PRKCH: variants seen among roughly 807,000 people sequenced by gnomAD.
PRKCH encodes the protein protein kinase C eta type.
A neutral mutation model predicts 82.5 loss-of-function variants in PRKCH; 28 were observed. That is an observed-to-expected ratio of 0.34 (90% CI 0.25 to 0.47). The LOEUF (loss-of-function observed/expected upper bound fraction) is 0.47, where lower values mean the gene tolerates loss of function less well. Ranked by LOEUF, PRKCH falls within the 20% of genes least tolerant of loss-of-function variation. The pLI is 1.00. For synonymous variants in PRKCH, 322 were observed against 327.4 expected (o/e 0.98, Z 0.18); for missense variants, 705 against 881.8 (o/e 0.80, Z 2.54).
intron 9 of PRKCH, among the ~76,000 whole-genome samples, chr14:61,484,946 A>G (rs1198026296): frequency 2.0e-5 from 3 of 149,242 alleles, no homozygotes; most frequent in Non-Finnish European, 1.5e-5. Context: ...CTGGTCTTGA[A>G]CCCCTGGGCT....
intron 1 of PRKCH, among the ~76,000 whole-genome samples, chr14:61,194,259 A>G (rs1257115708): frequency 1.3e-5 from 2 of 152,250 alleles, no homozygotes; most frequent in Non-Finnish European, 2.9e-5. Flanking sequence ...AGAAACTTCC[A>G]GCATTTAAGC....
At chr14:61,387,762 A>C (rs996406613) in intron 1 of PRKCH, among the ~76,000 whole-genome samples, 4 of 152,266 alleles carry the variant, frequency 2.6e-5, no homozygotes, top group African/African-American at 9.6e-5. Flanking sequence ...ATATGTATAC[A>C]AAACTACACA....
intron 9 of PRKCH, among the ~76,000 whole-genome samples, chr14:61,460,342 C>T (rs1884973413): frequency 6.6e-6 from 1 of 152,092 alleles, no homozygotes; most frequent in Admixed American, 6.6e-5. Flanking sequence ...TGCAGTGAGT[C>T]CCCTTGTACT....
At chr14:61,320,878 G>T (rs908425610), upstream of PRKCH, among the ~76,000 whole-genome samples, 5 of 152,186 alleles carry the variant, frequency 3.3e-5, no homozygotes, top group African/African-American at 1.2e-4. Flanking sequence ...TGCCCTTGCC[G>T]CGCAGAGCTG....
At chr14:61,339,622 CTTTTTTTTTTTTT>C (rs757220300) in intron 1 of PRKCH, among the ~76,000 whole-genome samples, 1 of 60,000 alleles carries the variant, frequency 1.7e-5, no homozygotes, top group Non-Finnish European at 3.0e-5. Context: ...CAAGCCCGGC[CTTTTTTTTTTTTT>C]TTTTTTTTTT....
Position 61,322,006 on chromosome 14 carries a change from T to G in PRKCH, c.-96T>G. ...TGCCTTTCCCCAGGGCTGCCTCGAC[T>G]CCTGCACCTGTCCCGAGGGCTGGCC... is the stretch of plus-strand genomic sequence containing the variant. On this transcript the variant is annotated 5_prime_UTR_variant, in exon 1 of 14. Coordinates refer to ENST00000332981, the MANE Select transcript of PRKCH (RefSeq NM_006255.5). 1 of 1,353,334 alleles carries G rather than the reference T, an allele frequency of 7.4e-7. No individual in the cohort carries two copies. Among genetic ancestry groups the G allele is most frequent in the Non-Finnish European group, 9.9e-7 (1 of 1,012,948 alleles). The allele number at this position is 1,353,334 out of a possible 1,614,324, so 83.8% of individuals were successfully genotyped here. A position where few individuals can be genotyped will look rare whatever the true frequency, so the allele number is the denominator to read the frequency against.
At chr14:61,539,701 C>CT (rs112037904) in intron 12 of PRKCH, among the ~76,000 whole-genome samples, 1,857 of 147,174 alleles carry the variant, frequency 0.013, 12 homozygotes, top group Middle Eastern at 0.025. Flanking sequence ...AAAATGCCAG[C>CT]TTTTTTTTTT....
chr14:61,288,569 G>T (rs2045335474), intron 1 of PRKCH, among the ~76,000 whole-genome samples: 1 of 151,798 alleles, frequency 6.6e-6, no homozygotes, highest in South Asian at 2.1e-4. Flanking sequence ...CTTTTTCTCT[G>T]AATAGTAACT....
At chr14:61,549,663 G>C (rs757857494) in intron 13 of PRKCH, 22 bp from the exon 14 acceptor site, 7 of 1,606,910 alleles carry the variant, frequency 4.4e-6, no homozygotes, top group African/African-American at 1.3e-5. Context: ...TCTCACCCTT[G>C]TTTCCCTTTT....
At chr14:61,493,731 G>GGCATGT (rs976396372) in intron 10 of PRKCH, among the ~76,000 whole-genome samples, 4 of 151,954 alleles carry the variant, frequency 2.6e-5, no homozygotes, top group African/African-American at 9.7e-5. Flanking sequence ...TGGGGGGCAT[G>GGCATGT]GCATGTGTGG....
chr14:61,455,515 C>A (rs1400918923), intron 7 of PRKCH, among the ~76,000 whole-genome samples: 1 of 152,154 alleles, frequency 6.6e-6, no homozygotes, highest in Non-Finnish European at 1.5e-5. Flanking sequence ...TCCGGTCTGT[C>A]TGTCTTGTGG....
In PRKCH at chr14:61,238,025, A is replaced by G. The variant is rs140512981; in HGVS notation, c.-19+50357A>G. On this transcript the variant is annotated intron_variant, in intron 1 of 3. Transcript: ENST00000555185. ...TGCCTGTGATTGGCTGAGATACAGC[A>G]ACTTGTTGCAAAGTAGTAACAGTCT... is the stretch of plus-strand genomic sequence containing the variant. Among the ~76,000 whole-genome samples the G allele has an allele frequency of 4.3e-4, 66 of 152,362 alleles. No individual in the cohort carries two copies. In the East Asian group the frequency reaches 6.4e-3, roughly 15 times the overall value.
At chr14:61,272,667 T>G (rs2045168521) in intron 1 of PRKCH, among the ~76,000 whole-genome samples, 1 of 152,180 alleles carries the variant, frequency 6.6e-6, no homozygotes, top group Non-Finnish European at 1.5e-5. Flanking sequence ...ATAGATTTAA[T>G]TTTTGAAGTG....
In PRKCH at chr14:61,485,816, C is replaced by T. The variant is rs1319981460; in HGVS notation, c.1433+160C>T. On this transcript the variant is annotated intron_variant, in intron 10 of 13. Transcript: ENST00000332981. ...TTTGTTTTTGAGACAGGGTCTCACT[C>T]CATAGCCCGGGCTGGAGTGCAGTGG... 2.0e-5 allele frequency among the ~76,000 whole-genome samples: 3 copies of T among 152,184 alleles called. No individual in the cohort carries two copies. The East Asian group carries it at 5.8e-4, about 29-fold the overall frequency.
At chr14:61,319,117 G>A (rs1278378985), upstream of PRKCH, among the ~76,000 whole-genome samples, 1 of 152,162 alleles carries the variant, frequency 6.6e-6, no homozygotes, top group Non-Finnish European at 1.5e-5. Flanking sequence ...TCTGGTCAGT[G>A]TGACCACCTT....
At chr14:61,395,564 G>A (rs1306071830) in intron 2 of PRKCH, among the ~76,000 whole-genome samples, 1 of 152,134 alleles carries the variant, frequency 6.6e-6, no homozygotes, top group Non-Finnish European at 1.5e-5. Context: ...CAAAGCTCAG[G>A]AAATGTTGGC....
intron 1 of PRKCH, 42 bp from the exon 2 acceptor site, chr14:61,391,183 T>A (rs761781893): frequency 9.1e-6 from 14 of 1,544,672 alleles, no homozygotes; most frequent in African/African-American, 8.4e-5. Context: ...CAAAAATATT[T>A]TAAAACTAAC....
intron 1 of PRKCH, chr14:61,303,919 C>T (rs1408148110): frequency 6.6e-6 from 1 of 151,124 alleles, no homozygotes; most frequent in African/African-American, 2.4e-5. Context: ...TGTTCTATGT[C>T]TTTCCAATAT....
At chr14:61,307,416 A>T (rs973191289) in intron 1 of PRKCH, among the ~76,000 whole-genome samples, 4 of 152,226 alleles carry the variant, frequency 2.6e-5, no homozygotes, top group African/African-American at 9.7e-5. Flanking sequence ...AACAAACCAT[A>T]TCAAAGCAAT....
Sources: allele counts gnomAD v4.1 joint callset (sites outside exome capture counted in the v4.1 genomes callset), GRCh38; gene constraint gnomAD v4.1.1; transcripts MANE v1.5; gene names NCBI Gene and HGNC (gene_info 2026-07-23, HGNC 2026-07-21).